The following CCDC60 variants were observed in gnomAD, a reference collection of about 807,000 sequenced individuals.
CCDC60 encodes coiled-coil domain-containing protein 60.
In CCDC60, 54 loss-of-function variants were observed where a neutral mutation model predicts 63.5. The observed-to-expected ratio is 0.85, with a 90% CI of 0.68 to 1.07. CCDC60 has a LOEUF of 1.07. Ranked by LOEUF, CCDC60 falls within the 50% of genes least tolerant of loss-of-function variation. The probability of loss-of-function intolerance (pLI) is 0.00; values close to 1 mark genes in which losing one functional copy is unlikely to be tolerated. For synonymous variants in CCDC60, 206 were observed against 238.8 expected, an observed-to-expected ratio of 0.86 and a Z score of 1.27; for missense variants, 651 against 684.3, an observed-to-expected ratio of 0.95 and a Z score of 0.54.
intron 1 of CCDC60, among the ~76,000 whole-genome samples, chr12:119,341,921 C>T (rs2136143290): frequency 6.6e-6 from 1 of 152,284 alleles, no homozygotes. Flanking sequence ...TACCTCTCAG[C>T]TCAGTCCCAT....
At chr12:119,426,660 C>T (rs1210760488) in intron 1 of CCDC60, among the ~76,000 whole-genome samples, 1 of 152,154 alleles carries the variant, frequency 6.6e-6, no homozygotes, top group African/African-American at 2.4e-5. Flanking sequence ...CGCCTGGCCC[C>T]ACTTTGTCAA....
chr12:119,395,405 T>C (rs962861169), intron 1 of CCDC60, among the ~76,000 whole-genome samples: 1 of 152,010 alleles, frequency 6.6e-6, no homozygotes, highest in Non-Finnish European at 1.5e-5. Context: ...CTTATAACCA[T>C]GGCAGAAGGC....
intron 1 of CCDC60, among the ~76,000 whole-genome samples, chr12:119,413,914 A>G (rs994484731): frequency 1.3e-5 from 2 of 152,108 alleles, no homozygotes; most frequent in African/African-American, 4.8e-5. Flanking sequence ...ACAGGAAAAA[A>G]CAATAATACA....
At chr12:119,511,805 A>T (rs1490540436) in intron 7 of CCDC60, among the ~76,000 whole-genome samples, 1 of 152,228 alleles carries the variant, frequency 6.6e-6, no homozygotes, top group Non-Finnish European at 1.5e-5. Context: ...AGTTGGGGGT[A>T]GGAGTGGTAG....
chr12:119,390,035 C>T lies in CCDC60; in HGVS notation c.91-38648C>T, dbSNP rs546952190. Reference sequence around the variant, plus strand: ...GTCTGTAATGATGCATATTTTCATACATAAAATAAATAGGTCATCAAATCT... The same window carrying T: ...GTCTGTAATGATGCATATTTTCATATATAAAATAAATAGGTCATCAAATCT... On this transcript the variant is annotated intron_variant, in intron 1 of 13. Transcript: ENST00000327554. Among the ~76,000 whole-genome samples, 157 of 152,270 alleles carry T rather than the reference C, an allele frequency of 1.0e-3. 1 individual carries two copies. Among genetic ancestry groups the T allele is most frequent in the African/African-American group, 3.7e-3 (152 of 41,554 alleles).
intron 2 of CCDC60, among the ~76,000 whole-genome samples, chr12:119,461,987 C>A (rs533393088): frequency 6.6e-6 from 1 of 152,318 alleles, no homozygotes; most frequent in South Asian, 2.1e-4. Flanking sequence ...CCAGAATAGA[C>A]TGGTGTGTCT....
intron 4 of CCDC60, among the ~76,000 whole-genome samples, chr12:119,486,902 T>C (rs1951454210): frequency 6.6e-6 from 1 of 152,030 alleles, no homozygotes. Flanking sequence ...CTAGGAACCC[T>C]GGGGAGTGTT....
intron 6 of CCDC60, among the ~76,000 whole-genome samples, chr12:119,504,773 T>C (rs1056394619): frequency 6.6e-6 from 1 of 152,216 alleles, no homozygotes; most frequent in African/African-American, 2.4e-5. Flanking sequence ...GAAAACACGT[T>C]TGGCTTCCTA....
chr12:119,411,315 G>A (rs988219645), intron 1 of CCDC60, among the ~76,000 whole-genome samples: 4 of 152,136 alleles, frequency 2.6e-5, no homozygotes, highest in African/African-American at 9.7e-5. Context: ...CATCAGGATG[G>A]AAGGGAGGAG....
intron 9 of CCDC60, 128 bp from the exon 10 acceptor site, chr12:119,522,811 G>T: frequency 1.2e-6 from 1 of 810,360 alleles, no homozygotes; most frequent in South Asian, 1.4e-5. Flanking sequence ...TTCTGTGACT[G>T]GTGCCTTGAT....
intron 2 of CCDC60, among the ~76,000 whole-genome samples, chr12:119,461,153 G>A (rs1166557153): frequency 1.3e-5 from 2 of 152,022 alleles, no homozygotes; most frequent in African/African-American, 2.4e-5. Context: ...AACTTCTCAG[G>A]ACTGTTAAGC....
intron 3 of CCDC60, among the ~76,000 whole-genome samples, chr12:119,473,652 T>C (rs1041930989): frequency 3.9e-5 from 6 of 152,174 alleles, no homozygotes; most frequent in African/African-American, 1.4e-4. Flanking sequence ...TATCATTCTT[T>C]TGCCTTTGCA....
chr12:119,459,677 T>A (rs1310737030), intron 2 of CCDC60, among the ~76,000 whole-genome samples: 2 of 152,192 alleles, frequency 1.3e-5, no homozygotes, highest in African/African-American at 4.8e-5. Flanking sequence ...TGGCCCTGCT[T>A]GCACTACCCA....
At chr12:119,369,626 C>T (rs1221975459) in intron 1 of CCDC60, among the ~76,000 whole-genome samples, 1 of 152,202 alleles carries the variant, frequency 6.6e-6, no homozygotes, top group Non-Finnish European at 1.5e-5. Flanking sequence ...CTGAGCCCCA[C>T]AGTCTCCATC....
At chr12:119,494,513 G>A (rs1951672986) in intron 5 of CCDC60, among the ~76,000 whole-genome samples, 1 of 152,178 alleles carries the variant, frequency 6.6e-6, no homozygotes, top group Admixed American at 6.5e-5. Context: ...CCAAGTGGGT[G>A]TAATCCCTAC....
chr12:119,440,951 C>A (rs954346124), intron 2 of CCDC60, among the ~76,000 whole-genome samples: 6 of 152,000 alleles, frequency 3.9e-5, no homozygotes, highest in African/African-American at 1.5e-4. Flanking sequence ...GTCTGACACA[C>A]GGTAAGTGCT....
At chr12:119,528,847 G>A in intron 12 of CCDC60, 101 bp downstream of exon 12, 2 of 1,249,444 alleles carry the variant, frequency 1.6e-6, no homozygotes, top group Non-Finnish European at 2.2e-6. Flanking sequence ...GGCATAGAGA[G>A]GCATTACTCC....
chr12:119,463,895 G>T (rs1431612900), intron 2 of CCDC60, among the ~76,000 whole-genome samples: 1 of 152,198 alleles, frequency 6.6e-6, no homozygotes, highest in East Asian at 1.9e-4. Flanking sequence ...CGAGAGGCAG[G>T]TGCCCAGACC....
intron 2 of CCDC60, chr12:119,429,481 CT>C (rs773063114): frequency 6.6e-6 from 1 of 152,182 alleles, no homozygotes; most frequent in South Asian, 2.1e-4. Flanking sequence ...GATGAAGACT[CT>C]TTTAGCACAA....
Sources: gnomAD v4.1 joint callset for allele counts (sites outside exome capture counted in the v4.1 genomes callset) on GRCh38, gnomAD v4.1.1 for gene constraint, MANE v1.5 for transcripts, NCBI Gene and HGNC (gene_info 2026-07-23, HGNC 2026-07-21) for gene names.